Variants in AKNAD1 observed in about 807,000 individuals in gnomAD.
AKNAD1 encodes AKNA domain containing 1, also known as protein AKNAD1.
In AKNAD1, 67 loss-of-function variants were observed where a neutral mutation model predicts 90.8. The observed-to-expected ratio is 0.74, with a 90% CI of 0.61 to 0.90. The LOEUF (loss-of-function observed/expected upper bound fraction) is 0.90. Ranked by LOEUF, AKNAD1 falls within the 40% of genes least tolerant of loss-of-function variation. The pLI, the probability that AKNAD1 is intolerant of heterozygous loss-of-function variation, is 0.00. For synonymous variants in AKNAD1, 327 were observed against 341.4 expected, an observed-to-expected ratio of 0.96 and a Z score of 0.46; for missense variants, 957 against 975.4, an observed-to-expected ratio of 0.98 and a Z score of 0.25.
At chr1:108,817,326 C>T (rs988942050) in intron 14 of AKNAD1, 149 bp from the exon 15 acceptor site, 1 of 958,014 alleles carries the variant, frequency 1.0e-6, no homozygotes, top group Non-Finnish European at 1.5e-6. Flanking sequence ...CTCATACTCC[C>T]ATGTGGCTGA....
In AKNAD1 at chr1:108,830,642, G is replaced by A. The variant is rs1390690300; in HGVS notation, c.1755C>T (p.Pro585=). The part of the protein sequence containing the change: ...MRLSSNSGED[P]NGTPRRQDCA... Reference sequence around the variant, plus strand: ...AATCCTGCCTTCTTGGAGTGCCGTTGGGATCCTCCTGCGCCACAAAGCACA... The same window carrying A: ...AATCCTGCCTTCTTGGAGTGCCGTTAGGATCCTCCTGCGCCACAAAGCACA... Residue 585 remains proline (P), a synonymous_variant, in exon 10 of 16, where the codon CCC becomes CCT. Transcript: ENST00000370001. 8 of 1,614,084 alleles carry A rather than the reference G, an allele frequency of 5.0e-6. No individual in the cohort carries two copies. Among genetic ancestry groups the A allele is most frequent in the South Asian group, 1.1e-5 (1 of 91,086 alleles).
intron 6 of AKNAD1, among the ~76,000 whole-genome samples, chr1:108,840,272 G>A (rs1158533011): frequency 6.6e-6 from 1 of 152,090 alleles, no homozygotes. Context: ...AGGTAGCCCA[G>A]TACAAGTTAA....
Position 108,816,157 on chromosome 1 carries a change from A to G in AKNAD1, c.*14T>C. The G allele has an allele frequency of 1.3e-6, 2 of 1,569,212 alleles. No homozygotes were observed. The highest frequency in any genetic ancestry group is 8.6e-7 in the Non-Finnish European group (1 of 1,161,624). ...CATTTTTTTCTTTTGAATCCTTGGT[A>G]GCCTAGCGTTGAACTAGTATTTCAG... On this transcript the variant is annotated 3_prime_UTR_variant, in exon 16 of 16. Transcript: ENST00000370001.
intron 6 of AKNAD1, among the ~76,000 whole-genome samples, chr1:108,839,865 AT>A (rs1306926665): frequency 2.6e-5 from 4 of 152,002 alleles, no homozygotes; most frequent in South Asian, 4.1e-4. Context: ...TACAAAAAAA[AT>A]TTTTTTTAAT....
chr1:108,858,236 T>A (rs942359747), upstream of AKNAD1: 1 of 152,544 alleles, frequency 6.6e-6, no homozygotes, highest in South Asian at 2.1e-4. Context: ...TCTGGGTTCT[T>A]TTAACTGCAA....
intron 7 of AKNAD1, among the ~76,000 whole-genome samples, chr1:108,836,343 A>C (rs185904919): frequency 6.6e-6 from 1 of 152,200 alleles, no homozygotes; most frequent in Non-Finnish European, 1.5e-5. Flanking sequence ...GGCTTCCTCT[A>C]TGAAGCATCG....
chr1:108,853,708 C>T (rs570871416), intron 1 of AKNAD1, among the ~76,000 whole-genome samples: 15 of 151,724 alleles, frequency 9.9e-5, no homozygotes, highest in East Asian at 3.9e-4. Context: ...CTGAGGCAAG[C>T]GGATCACCTG....
At position 108,829,804 on chromosome 1, in the gene AKNAD1, C is replaced by T. The variant is rs115482589; in HGVS notation, c.1838+755G>A. Among the ~76,000 whole-genome samples the T allele has an allele frequency of 7.0e-3, 1,067 of 152,294 alleles. 20 individuals carry two copies. Among genetic ancestry groups the T allele is most frequent in the African/African-American group, 0.024 (987 of 41,560 alleles). On this transcript the variant is annotated intron_variant, in intron 10 of 15. Coordinates refer to ENST00000370001, the MANE Select transcript of AKNAD1 (RefSeq NM_152763.5). ...CACCTGCTGCCTCCCTGACTCTTGA[C>T]CTTCCAAAGGTCAATGAGCCGAGCT...
At chr1:108,824,172 T>C (rs1663916472) in intron 11 of AKNAD1, among the ~76,000 whole-genome samples, 1 of 152,192 alleles carries the variant, frequency 6.6e-6, no homozygotes, top group Non-Finnish European at 1.5e-5. Context: ...ATGACTTTGC[T>C]CTCTTAGCCT....
At chr1:108,830,880 T>C in intron 9 of AKNAD1, 1 of 588,648 alleles carries the variant, frequency 1.7e-6, no homozygotes, top group Non-Finnish European at 3.0e-6. Context: ...GGGCTGCGCC[T>C]CTAATGGCCT....
Position 108,816,101 on chromosome 1 carries a change from T to C in AKNAD1, c.*70A>G. ...TTCCTAAATTGTGTAGTAAGTAAAA[T>C]ACATTTTGGGGGAAGATCAAGTTTT... is the stretch of plus-strand genomic sequence containing the variant. On this transcript the variant is annotated 3_prime_UTR_variant, in exon 16 of 16. Coordinates refer to ENST00000370001, the MANE Select transcript of AKNAD1 (RefSeq NM_152763.5). 1 of 1,468,166 alleles carries C rather than the reference T, an allele frequency of 6.8e-7. No homozygotes were observed. 90.9% of individuals were successfully genotyped at this position (1,468,166 alleles called of 1,614,324 possible). A position where few individuals can be genotyped will look rare whatever the true frequency, so the allele number is the denominator to read the frequency against.
chr1:108,853,338 A>G (rs1380526468), intron 1 of AKNAD1, among the ~76,000 whole-genome samples: 4 of 151,462 alleles, frequency 2.6e-5, no homozygotes, highest in East Asian at 2.0e-4. Flanking sequence ...TCACCATATT[A>G]GCCAGGATGG....
chr1:108,828,258 G>T (rs887986650), intron 10 of AKNAD1, among the ~76,000 whole-genome samples: 5 of 151,680 alleles, frequency 3.3e-5, no homozygotes, highest in African/African-American at 1.2e-4. Context: ...AAAGGCTGAG[G>T]GAGCACGTGA....
chr1:108,847,456 A>G (rs1471169935), intron 5 of AKNAD1, among the ~76,000 whole-genome samples: 2 of 151,738 alleles, frequency 1.3e-5, no homozygotes, highest in African/African-American at 2.4e-5. Flanking sequence ...TCAAAAAAAA[A>G]AAAACAAAAA....
At chr1:108,823,800 T>G in intron 11 of AKNAD1, 112 bp from the exon 12 acceptor site, 1 of 1,516,734 alleles carries the variant, frequency 6.6e-7, no homozygotes, top group Non-Finnish European at 8.9e-7. Context: ...GGCACCAAAG[T>G]GCTTAATGTC....
chr1:108,857,037 C>T lies in AKNAD1; in HGVS notation c.-212G>A, dbSNP rs565610384. Reference sequence around the variant, plus strand: ...TCCAAAGGCATATCCAAAGAGGTTCCACTCAGAATCCAACAGAACCTTTCT... The same window carrying T: ...TCCAAAGGCATATCCAAAGAGGTTCTACTCAGAATCCAACAGAACCTTTCT... On this transcript the variant is annotated 5_prime_UTR_variant, in exon 1 of 16. Coordinates refer to ENST00000370001, the MANE Select transcript of AKNAD1 (RefSeq NM_152763.5). 1.4e-4 allele frequency: 21 copies of T among 152,292 alleles called. No homozygotes were observed. Among genetic ancestry groups the T allele is most frequent in the African/African-American group, 4.3e-4 (18 of 41,534 alleles). The allele number at this position is 152,292 out of a possible 1,614,324, so 9.4% of individuals were successfully genotyped here.
chr1:108,833,412 C>T (rs1033312784), intron 9 of AKNAD1, among the ~76,000 whole-genome samples: 5 of 152,104 alleles, frequency 3.3e-5, no homozygotes, highest in Admixed American at 2.0e-4. Flanking sequence ...GTGAAACCTC[C>T]TCTCTACTAA....
chr1:108,848,040 C>T (rs1353996141), intron 5 of AKNAD1, among the ~76,000 whole-genome samples: 1 of 152,122 alleles, frequency 6.6e-6, no homozygotes, highest in Admixed American at 6.5e-5. Flanking sequence ...ATTTGGGTCC[C>T]CTGGTTTTTG....
At chr1:108,830,490 C>T in intron 10 of AKNAD1, 69 bp downstream of exon 10, 1 of 1,483,882 alleles carries the variant, frequency 6.7e-7, no homozygotes, top group Non-Finnish European at 9.4e-7. Context: ...GCCGCCCACT[C>T]TCACTGGAGT....
Sources: gnomAD v4.1 joint callset for allele counts (sites outside exome capture counted in the v4.1 genomes callset) on GRCh38, gnomAD v4.1.1 for gene constraint, MANE v1.5 for transcripts, NCBI Gene and HGNC (gene_info 2026-07-23, HGNC 2026-07-21) for gene names.